The following NRAP variants were observed in gnomAD, a reference collection of about 807,000 sequenced individuals.
NRAP encodes the protein nebulin-related-anchoring protein.
In NRAP, 189 loss-of-function variants were observed where a neutral mutation model predicts 225.9. That is an observed-to-expected ratio of 0.84 (90% CI 0.74 to 0.94). The LOEUF (loss-of-function observed/expected upper bound fraction) is 0.94, where lower values mean the gene tolerates loss of function less well. NRAP is among the 40% of genes least tolerant of loss of function. The probability of loss-of-function intolerance (pLI) is 0.00; values close to 1 mark genes in which losing one functional copy is unlikely to be tolerated. For missense variants in NRAP, 2,176 were observed against 2,168.7 expected (o/e 1.00, Z -0.07); for synonymous variants, 769 against 790.7 (o/e 0.97, Z 0.46).
Position 113,648,475 on chromosome 10 carries a change from A to C in NRAP, c.889-1448T>G, listed in dbSNP as rs894098918. On this transcript the variant is annotated intron_variant, in intron 9 of 41. Coordinates refer to ENST00000359988, the MANE Select transcript of NRAP (RefSeq NM_198060.4). The stretch of plus-strand genomic sequence containing the variant: ...TCTCTCTCTCTCTCTCTCTATATAT[A>C]TATATATATATATATGTTGTAAGTG... Among the ~76,000 whole-genome samples the C allele has an allele frequency of 8.3e-3, 766 of 92,218 alleles. 10 individuals carry two copies. The highest frequency in any genetic ancestry group is 0.023 in the East Asian group (60 of 2,604). 60.5% of individuals were successfully genotyped at this position (92,218 alleles called of 152,430 possible). A position where few individuals can be genotyped will look rare whatever the true frequency, so the allele number is the denominator to read the frequency against.
intron 14 of NRAP, among the ~76,000 whole-genome samples, chr10:113,638,265 C>T (rs370146681): frequency 6.6e-6 from 1 of 152,182 alleles, no homozygotes; most frequent in Non-Finnish European, 1.5e-5. Flanking sequence ...TTAAAAGTCT[C>T]CATGATTAAC....
In NRAP at chr10:113,588,897, G is replaced by T; in HGVS notation, c.*78C>A. 4 of 1,160,528 alleles carry T rather than the reference G, an allele frequency of 3.4e-6. No individual in the cohort carries two copies. The highest frequency in any genetic ancestry group is 5.1e-6 in the Non-Finnish European group (4 of 780,950). The allele number at this position is 1,160,528 out of a possible 1,614,324, so 71.9% of individuals were successfully genotyped here. On this transcript the variant is annotated 3_prime_UTR_variant, in exon 42 of 42. Coordinates refer to ENST00000359988, the MANE Select transcript of NRAP (RefSeq NM_198060.4). ...GGCTGGTGGGCCATTCCAGCTTGCC[G>T]AAATCAAAGCCATCTGAAGCCTGTC...
rs1162680676 is a variant in NRAP, at chr10:113,625,399, C to T, written c.2245-469G>A. ...AAGTGAGCATGCGTGGACATCTCCT[C>T]CATGGCAAACTTATCACTCTTCTCT... is the stretch of plus-strand genomic sequence containing the variant. On this transcript the variant is annotated intron_variant, in intron 21 of 41. Transcript: ENST00000359988. Among the ~76,000 whole-genome samples the T allele has an allele frequency of 2.0e-5, 3 of 152,206 alleles. No homozygotes were observed. The East Asian group carries it at 5.8e-4, about 29-fold the overall frequency.
chr10:113,618,602 G>A (rs887442583), intron 25 of NRAP, among the ~76,000 whole-genome samples: 3 of 152,378 alleles, frequency 2.0e-5, no homozygotes, highest in Middle Eastern at 3.4e-3. Flanking sequence ...GTAGGTGTGC[G>A]TGTGCATTTG....
chr10:113,641,626 CTT>C (rs946454419), intron 12 of NRAP, among the ~76,000 whole-genome samples, 154 bp from the exon 13 acceptor site: 3 of 152,026 alleles, frequency 2.0e-5, no homozygotes, highest in Non-Finnish European at 4.4e-5. Context: ...ATAAGGCAAA[CTT>C]TTTTTTAATA....
chr10:113,590,850 G>C lies in NRAP; in HGVS notation c.4684C>G (p.Gln1562Glu), dbSNP rs376916581. 1 of 1,614,088 alleles carries C rather than the reference G, an allele frequency of 6.2e-7. No individual in the cohort carries two copies. Among genetic ancestry groups the C allele is most frequent in the Non-Finnish European group, 8.5e-7 (1 of 1,180,036 alleles). ...TCGTCGACACTGCGGTACCCGATCT[G>C]CAGGCCTCGGTCCCGCAGGAAAGCC... ...KEAFLRDRGL[Q>E]IGYRSVDDDP... The change falls in exon 40 of 42, where the codon CAG becomes GAG. Residue 1562 changes from glutamine to glutamate, a missense_variant. By Grantham distance (29) the Gln-to-Glu change is conservative. Coordinates refer to ENST00000359988, the MANE Select transcript of NRAP (RefSeq NM_198060.4).
Position 113,590,640 on chromosome 10 carries a change from T to TGGGCTG in NRAP, c.4888_4893dup (p.Gln1630_Pro1631dup). 1 of 1,613,892 alleles carries TGGGCTG rather than the reference T, an allele frequency of 6.2e-7. No homozygotes were observed. The highest frequency in any genetic ancestry group is 8.5e-7 in the Non-Finnish European group (1 of 1,179,978). ...AGGCCCAGCTGCTCCGGGTCGCAGG[T>TGGGCTG]GGGCTGGGGCAGGGGCTGCCTGTAG... On this transcript the variant is annotated inframe_insertion, in exon 40 of 42. Coordinates refer to ENST00000359988, the MANE Select transcript of NRAP (RefSeq NM_198060.4).
At chr10:113,646,194 C>T (rs1216030268) in intron 10 of NRAP, among the ~76,000 whole-genome samples, 1 of 152,094 alleles carries the variant, frequency 6.6e-6, no homozygotes, top group African/African-American at 2.4e-5. Context: ...AAAAAAAAGT[C>T]TTAAAATAAT....
Position 113,614,183 on chromosome 10 carries a change from A to G in NRAP, c.3300T>C (p.Asp1100=). The change falls in exon 29 of 42, where the codon GAT becomes GAC. Residue 1100 remains aspartate, a splice_region_variant and synonymous_variant. Coordinates refer to ENST00000359988, the MANE Select transcript of NRAP (RefSeq NM_198060.4). ...CGCTGATGCCTCTCCCCCCACTTAC[A>G]TCACTCTGCAGTGAGGTCGCATACA... The part of the protein sequence containing the change: ...HSVYATSLQS[D]VNYKKGFEHS... The G allele has an allele frequency of 1.9e-6, 3 of 1,602,350 alleles. 1 individual carries two copies. Among genetic ancestry groups the G allele is most frequent in the East Asian group, 4.5e-5 (2 of 44,830 alleles).
chr10:113,621,750 C>T, intron 24 of NRAP, 119 bp downstream of exon 24: 1 of 912,370 alleles, frequency 1.1e-6, no homozygotes, highest in South Asian at 1.7e-5. Context: ...CTTAGGGATC[C>T]AGAAACAGGT....
Position 113,622,183 on chromosome 10 carries a change from AAATAAG to A in NRAP, c.2458-9_2458-4del. The A allele has an allele frequency of 6.2e-7, 1 of 1,602,692 alleles. No individual in the cohort carries two copies. Among genetic ancestry groups the A allele is most frequent in the East Asian group, 2.2e-5 (1 of 44,804 alleles). On this transcript the variant is annotated splice_polypyrimidine_tract_variant and splice_region_variant and intron_variant, in intron 23 of 41. Coordinates refer to ENST00000359988, the MANE Select transcript of NRAP (RefSeq NM_198060.4). ...TCATAATCCTCCTTGTACTTCACCTAAATAAGAGGAATAGAGCAGGGATACATTAGA... is the reference window on the plus strand; with the variant it reads ...TCATAATCCTCCTTGTACTTCACCTAAGGAATAGAGCAGGGATACATTAGA...
intron 6 of NRAP, among the ~76,000 whole-genome samples, chr10:113,652,479 C>T (rs1199942492): frequency 6.6e-6 from 1 of 151,976 alleles, no homozygotes; most frequent in East Asian, 1.9e-4. Context: ...ATCTCTACTA[C>T]TAAAAATACA....
intron 5 of NRAP, 90 bp from the exon 6 acceptor site, chr10:113,653,129 C>T: frequency 1.4e-6 from 1 of 698,102 alleles, no homozygotes; most frequent in Non-Finnish European, 2.4e-6. Flanking sequence ...AAACTAGATT[C>T]ATAAAGTTCT....
intron 14 of NRAP, among the ~76,000 whole-genome samples, chr10:113,634,923 C>T (rs1349096662): frequency 6.6e-6 from 1 of 152,066 alleles, no homozygotes; most frequent in Admixed American, 6.5e-5. Flanking sequence ...CTAACATGTC[C>T]CCACCCCGTA....
At chr10:113,629,319 T>C (rs553204796) in intron 19 of NRAP, among the ~76,000 whole-genome samples, 1 of 152,264 alleles carries the variant, frequency 6.6e-6, no homozygotes, top group South Asian at 2.1e-4. Flanking sequence ...CCAAGATTTA[T>C]TTACCATTTT....
In NRAP at chr10:113,631,977, AC is replaced by A. The variant is rs757737476; in HGVS notation, c.1633-14del. On this transcript the variant is annotated splice_polypyrimidine_tract_variant and intron_variant, in intron 16 of 41. Coordinates refer to ENST00000359988, the MANE Select transcript of NRAP (RefSeq NM_198060.4). Reference sequence around the variant, plus strand: ...CTTTATACTTAACCTGACAAACAAAACCACAAGTGAATAGGAGTTGCTACCC... The same window carrying A: ...CTTTATACTTAACCTGACAAACAAAACACAAGTGAATAGGAGTTGCTACCC... The A allele has an allele frequency of 1.4e-5, 21 of 1,499,266 alleles. No individual in the cohort carries two copies. In the South Asian group the frequency reaches 2.1e-4, roughly 15 times the overall value. 92.9% of individuals were successfully genotyped at this position (1,499,266 alleles called of 1,614,324 possible).
intron 20 of NRAP, among the ~76,000 whole-genome samples, chr10:113,628,422 T>G (rs1238917374): frequency 6.6e-6 from 1 of 152,134 alleles, no homozygotes; most frequent in African/African-American, 2.4e-5. Flanking sequence ...TCTCCTGACC[T>G]CGTGATCTGC....
At chr10:113,594,196 C>T (rs1021758524) in intron 38 of NRAP, among the ~76,000 whole-genome samples, 6 of 152,300 alleles carry the variant, frequency 3.9e-5, no homozygotes, top group Middle Eastern at 3.4e-3. Flanking sequence ...GGCTGCCTTA[C>T]ACATCTCAAT....
intron 17 of NRAP, 58 bp from the exon 18 acceptor site, chr10:113,631,668 G>T: frequency 1.7e-6 from 2 of 1,190,768 alleles, no homozygotes; most frequent in Non-Finnish European, 2.5e-6. Flanking sequence ...CGTCTAAGGG[G>T]CTCTGGTTTT....
Sources: allele counts gnomAD v4.1 joint callset (sites outside exome capture counted in the v4.1 genomes callset), GRCh38; gene constraint gnomAD v4.1.1; transcripts MANE v1.5; gene names NCBI Gene and HGNC (gene_info 2026-07-23, HGNC 2026-07-21).